Variants in EIF2AK4 observed in about 807,000 individuals in gnomAD.
EIF2AK4 encodes eukaryotic translation initiation factor 2 alpha kinase 4.
A neutral mutation model predicts 211.1 loss-of-function variants in EIF2AK4; 139 were observed. That is an observed-to-expected ratio of 0.66 (90% CI 0.57 to 0.76). The LOEUF is 0.76. Among genes scored for constraint, EIF2AK4 ranks in the 30% least tolerant of loss-of-function variants. The pLI is 0.00. For missense variants in EIF2AK4, 1,664 were observed against 2,043.8 expected (o/e 0.81, Z 3.58); for synonymous variants, 710 against 751.3 (o/e 0.94, Z 0.90).
At chr15:39,960,742 C>G (rs1003504938) in intron 6 of EIF2AK4, among the ~76,000 whole-genome samples, 1 of 152,068 alleles carries the variant, frequency 6.6e-6, no homozygotes, top group Admixed American at 6.5e-5. Context: ...AACTAATAGA[C>G]TAAGATCCCA....
intron 33 of EIF2AK4, 107 bp from the exon 34 acceptor site, chr15:40,029,299 T>C: frequency 7.1e-7 from 1 of 1,417,544 alleles, no homozygotes; most frequent in Non-Finnish European, 9.2e-7. Context: ...AAGATGTTTT[T>C]ATATTTAATG....
At position 39,955,759 on chromosome 15, in the gene EIF2AK4, G is replaced by A; in HGVS notation, c.734G>A (p.Gly245Glu). ...GGTAAACATCGGGCAAACTCCTCAGGAAGGTCTAGGTAAGTCCCTGGGATT... is the reference window on the plus strand; with the variant it reads ...GGTAAACATCGGGCAAACTCCTCAGAAAGGTCTAGGTAAGTCCCTGGGATT... ...GNGKHRANSS[G>E]RSRRERQYSV... Residue 245 changes from glycine (G) to glutamate (E), a missense_variant, in exon 6 of 39, where the codon GGA becomes GAA. Coordinates refer to ENST00000263791, the MANE Select transcript of EIF2AK4 (RefSeq NM_001013703.4). 6.2e-7 allele frequency: 1 copy of A among 1,610,874 alleles called. No homozygotes were observed.
intron 7 of EIF2AK4, among the ~76,000 whole-genome samples, chr15:39,962,386 G>A (rs778782445): frequency 2.9e-4 from 44 of 152,158 alleles, no homozygotes; most frequent in Admixed American, 2.6e-4. Flanking sequence ...AATATTATCA[G>A]TCAGTAGAAT....
intron 21 of EIF2AK4, among the ~76,000 whole-genome samples, chr15:40,001,883 T>C (rs192246631): frequency 6.6e-6 from 1 of 152,264 alleles, no homozygotes; most frequent in African/African-American, 2.4e-5. Context: ...AAGCAGTTTC[T>C]GAAGTGTAGC....
rs2035509395 is a variant in EIF2AK4 at position 40,029,455 on chromosome 15, A to G, written c.4552A>G (p.Asn1518Asp). 1 of 1,613,178 alleles carries G rather than the reference A, an allele frequency of 6.2e-7. No homozygotes were observed. Among genetic ancestry groups the G allele is most frequent in the South Asian group, 1.1e-5 (1 of 90,998 alleles). The change falls in exon 34 of 39, where the codon AAT becomes GAT. Residue 1518 changes from asparagine to aspartate, a missense_variant. By Grantham distance (23) the Asn-to-Asp change is conservative (BLOSUM62 1). Coordinates refer to ENST00000263791, the MANE Select transcript of EIF2AK4 (RefSeq NM_001013703.4). Reference sequence around the variant, plus strand: ...GCAAAATCTGAAGGGGTCATTTTCTAATGCTTCAGGTATAATTACTAATTA... The same window carrying G: ...GCAAAATCTGAAGGGGTCATTTTCTGATGCTTCAGGTATAATTACTAATTA... ...AVQNLKGSFS[N>D]ASGLFEIHGA...
chr15:39,982,973 C>G (rs2034814025), intron 13 of EIF2AK4, among the ~76,000 whole-genome samples: 2 of 152,230 alleles, frequency 1.3e-5, no homozygotes, highest in Admixed American at 6.5e-5. Flanking sequence ...GATTCCAAGT[C>G]TTCACTATTG....
At chr15:40,019,939 C>T (rs1053584952) in intron 30 of EIF2AK4, among the ~76,000 whole-genome samples, 11 of 151,692 alleles carry the variant, frequency 7.3e-5, no homozygotes, top group Admixed American at 2.0e-4. Flanking sequence ...GCAGGCAGAT[C>T]GTTGAGCCCA....
intron 32 of EIF2AK4, among the ~76,000 whole-genome samples, chr15:40,024,403 C>CTT (rs554877205): frequency 0.013 from 1,173 of 90,526 alleles, 2 homozygotes; most frequent in Middle Eastern, 0.025. Flanking sequence ...TTGAGTTTTC[C>CTT]TTTTTTTTTT....
intron 3 of EIF2AK4, among the ~76,000 whole-genome samples, chr15:39,944,430 C>G (rs1356613467): frequency 9.5e-6 from 1 of 105,410 alleles, no homozygotes; most frequent in Non-Finnish European, 1.8e-5. Context: ...GTTTAACGAT[C>G]TCTTTTTTTT....
rs528041309 is a variant in EIF2AK4, at chr15:40,001,507, G to A, written c.3159+283G>A. On this transcript the variant is annotated intron_variant, in intron 21 of 38. Coordinates refer to ENST00000263791, the MANE Select transcript of EIF2AK4 (RefSeq NM_001013703.4). Reference sequence around the variant, plus strand: ...TAGCCGTGCGTGGTGGCATGCACCTGTAATCCCAGCTACCCGGGAGGCTGA... The same window carrying A: ...TAGCCGTGCGTGGTGGCATGCACCTATAATCCCAGCTACCCGGGAGGCTGA... Among the ~76,000 whole-genome samples the A allele has an allele frequency of 9.9e-5, 15 of 151,998 alleles. No individual in the cohort carries two copies. The East Asian group carries it at 2.9e-3, about 29-fold the overall frequency.
rs1201897455 is a variant in EIF2AK4, at chr15:39,934,195, C to T, written c.-1C>T. ...CGCCCTGCCTTGGGCGCAGCGCTGC[C>T]ATGGCTGGGGGCCGTGGGGCCCCCG... On this transcript the variant is annotated 5_prime_UTR_variant, in exon 1 of 39. Coordinates refer to ENST00000263791, the MANE Select transcript of EIF2AK4 (RefSeq NM_001013703.4). The T allele has an allele frequency of 3.9e-6, 6 of 1,548,838 alleles. No individual in the cohort carries two copies. Among genetic ancestry groups the T allele is most frequent in the African/African-American group, 1.4e-5 (1 of 72,294 alleles).
intron 9 of EIF2AK4, among the ~76,000 whole-genome samples, chr15:39,968,666 C>G (rs1245942084): frequency 6.6e-6 from 1 of 152,054 alleles, no homozygotes; most frequent in Admixed American, 6.6e-5. Flanking sequence ...TTGTTTTTTA[C>G]CTTCTTTTTC....
intron 27 of EIF2AK4, among the ~76,000 whole-genome samples, chr15:40,011,642 G>C (rs2035236863): frequency 6.6e-6 from 1 of 152,170 alleles, no homozygotes; most frequent in Non-Finnish European, 1.5e-5. Context: ...GCTGTGCCTG[G>C]TAGAGCCTCC....
rs760260330 is a variant in EIF2AK4 at position 39,978,105 on chromosome 15, T to C, written c.2277T>C (p.Ile759=). 1 of 1,596,210 alleles carries C rather than the reference T, an allele frequency of 6.3e-7. No homozygotes were observed. Among genetic ancestry groups the C allele is most frequent in the Admixed American group, 1.7e-5 (1 of 59,512 alleles). The change falls in exon 13 of 39, where the codon ATT becomes ATC. Residue 759 remains isoleucine (I), a synonymous_variant. Coordinates refer to ENST00000263791, the MANE Select transcript of EIF2AK4 (RefSeq NM_001013703.4). ...CTGCTTCAGATTCTGAAAGTGATAT[T>C]ATCTTTGACAATGAAGATGAGAACA... is the stretch of plus-strand genomic sequence containing the variant. ...FLPASDSESD[I]IFDNEDENSK...
intron 5 of EIF2AK4, among the ~76,000 whole-genome samples, chr15:39,954,327 A>T (rs1000692157): frequency 6.6e-6 from 1 of 152,220 alleles, no homozygotes; most frequent in Non-Finnish European, 1.5e-5. Context: ...ATCTCAGCCC[A>T]CTGTAACCTC....
chr15:40,010,143 A>G (rs1209789089), intron 26 of EIF2AK4, among the ~76,000 whole-genome samples: 1 of 152,244 alleles, frequency 6.6e-6, no homozygotes, highest in Non-Finnish European at 1.5e-5. Flanking sequence ...TCTGTGAGCT[A>G]GGCATTGTTC....
chr15:39,976,974 A>G (rs1595404489), intron 12 of EIF2AK4, 130 bp downstream of exon 12: 1 of 1,207,486 alleles, frequency 8.3e-7, no homozygotes, highest in Non-Finnish European at 1.1e-6. Flanking sequence ...TTTTTGAGAT[A>G]GGGTCTTGCT....
At chr15:40,005,859 C>T (rs1173358250) in intron 23 of EIF2AK4, among the ~76,000 whole-genome samples, 1 of 152,060 alleles carries the variant, frequency 6.6e-6, no homozygotes, top group Non-Finnish European at 1.5e-5. Context: ...GCGTGAGCCA[C>T]CGCACCCGGC....
At chr15:39,937,204 A>C (rs2034077608) in intron 1 of EIF2AK4, among the ~76,000 whole-genome samples, 1 of 152,212 alleles carries the variant, frequency 6.6e-6, no homozygotes, top group East Asian at 1.9e-4. Flanking sequence ...CCCTCCAAAA[A>C]ACTTGCTTCA....
Sources: gnomAD v4.1 joint callset for allele counts (sites outside exome capture counted in the v4.1 genomes callset) on GRCh38, gnomAD v4.1.1 for gene constraint, MANE v1.5 for transcripts, NCBI Gene and HGNC (gene_info 2026-07-23, HGNC 2026-07-21) for gene names.